The following DET1 variants were observed in gnomAD, a reference collection of about 807,000 sequenced individuals.
The protein encoded by DET1 is DET1 homolog.
A neutral mutation model predicts 43.7 loss-of-function variants in DET1; 22 were observed. That is an observed-to-expected ratio of 0.50 (90% CI 0.36 to 0.72). DET1 has a LOEUF of 0.72. Among genes scored for constraint, DET1 ranks in the 30% least tolerant of loss-of-function variants. The pLI, the probability that DET1 is intolerant of heterozygous loss-of-function variation, is 0.00. For missense variants in DET1, 713 were observed against 713.3 expected (o/e 1.00, Z 0.00); for synonymous variants, 315 against 266.2 (o/e 1.18, Z -1.79).
intron 2 of DET1, among the ~76,000 whole-genome samples, chr15:88,529,758 G>A (rs577168449): frequency 1.3e-5 from 2 of 152,296 alleles, no homozygotes; most frequent in East Asian, 1.9e-4. Context: ...AGGAGAATGG[G>A]GAGACATAGG....
chr15:88,534,729 A>C (rs2056904023), intron 1 of DET1, among the ~76,000 whole-genome samples: 2 of 152,222 alleles, frequency 1.3e-5, no homozygotes, highest in South Asian at 2.1e-4. Flanking sequence ...TAGCACTGCA[A>C]AGACTTTCTG....
At chr15:88,523,587 G>A (rs981884494) in intron 3 of DET1, among the ~76,000 whole-genome samples, 6 of 152,144 alleles carry the variant, frequency 3.9e-5, no homozygotes, top group African/African-American at 1.2e-4. Context: ...TTGCAGGCGC[G>A]CACCGCCACG....
intron 3 of DET1, among the ~76,000 whole-genome samples, chr15:88,522,512 G>GT (rs55764530): frequency 0.054 from 4,310 of 80,380 alleles, 558 homozygotes; most frequent in African/African-American, 0.059. Context: ...AATGTTCCTG[G>GT]TTTTTTTTTT....
At chr15:88,525,601 A>G (rs1197053674) in intron 3 of DET1, among the ~76,000 whole-genome samples, 2 of 152,150 alleles carry the variant, frequency 1.3e-5, no homozygotes, top group African/African-American at 2.4e-5. Context: ...CCCTGCCCTC[A>G]TGGAGCTTAT....
downstream of DET1, among the ~76,000 whole-genome samples, chr15:88,510,491 G>A (rs913696307): frequency 1.4e-4 from 21 of 152,210 alleles, no homozygotes; most frequent in East Asian, 5.8e-4. Context: ...TCAGCCCCAC[G>A]AACATGTAAC....
chr15:88,517,021 G>C (rs751133030), intron 3 of DET1, 48 bp from the exon 4 acceptor site: 2 of 1,395,978 alleles, frequency 1.4e-6, no homozygotes, highest in Admixed American at 5.9e-5. Context: ...AGTACACAAA[G>C]CTGTCTTGAA....
intron 3 of DET1, among the ~76,000 whole-genome samples, chr15:88,519,729 C>A (rs2056439470): frequency 6.6e-6 from 1 of 152,166 alleles, no homozygotes; most frequent in South Asian, 2.1e-4. Flanking sequence ...CTACAGCCTC[C>A]AGTTAAGCTC....
chr15:88,527,765 T>G lies in DET1; in HGVS notation c.1105A>C (p.Asn369His). 1 of 1,603,690 alleles carries G rather than the reference T, an allele frequency of 6.2e-7. No individual in the cohort carries two copies. Among genetic ancestry groups the G allele is most frequent in the Non-Finnish European group, 8.5e-7 (1 of 1,174,322 alleles). The part of the protein sequence containing the change: ...PSQASFFVVY[N>H]MVTTEVIAVF... ...GCAATCACCTCTGTCGTCACCATATTGTACACCACAAAGAAAGATGCCTGC... is the reference window on the plus strand; with the variant it reads ...GCAATCACCTCTGTCGTCACCATATGGTACACCACAAAGAAAGATGCCTGC... The change falls in exon 3 of 5, where the codon AAT becomes CAT. Residue 369 changes from asparagine to histidine, a missense_variant. Coordinates refer to ENST00000268148, the MANE Select transcript of DET1 (RefSeq NM_001144074.3).
At chr15:88,536,171 C>T in intron 1 of DET1, 1 of 614,688 alleles carries the variant, frequency 1.6e-6, no homozygotes, top group Non-Finnish European at 2.9e-6. Context: ...AGATCTGCCT[C>T]TGTTTCATCA....
At chr15:88,545,531 C>T (rs2057229458) in intron 1 of DET1, among the ~76,000 whole-genome samples, 1 of 152,232 alleles carries the variant, frequency 6.6e-6, no homozygotes, top group Non-Finnish European at 1.5e-5. Context: ...TGGCTAACTA[C>T]TTTAATCACT....
chr15:88,507,800 T>A (rs2056157424), downstream of DET1, among the ~76,000 whole-genome samples: 1 of 152,188 alleles, frequency 6.6e-6, no homozygotes, highest in Non-Finnish European at 1.5e-5. Flanking sequence ...ACTTGGCTCA[T>A]AGATGACATG....
intron 1 of DET1, among the ~76,000 whole-genome samples, chr15:88,534,534 G>A (rs1250173041): frequency 6.6e-6 from 1 of 152,160 alleles, no homozygotes; most frequent in Non-Finnish European, 1.5e-5. Flanking sequence ...GGAACCAGAA[G>A]GTACTGGGGA....
chr15:88,542,141 A>G (rs1388520759), intron 1 of DET1, among the ~76,000 whole-genome samples: 1 of 152,198 alleles, frequency 6.6e-6, no homozygotes, highest in Non-Finnish European at 1.5e-5. Context: ...ACCTAGGATG[A>G]CAGCCAACAG....
chr15:88,516,528 CT>C lies in DET1; in HGVS notation c.1463+253del, dbSNP rs1041738074. 6.6e-6 allele frequency among the ~76,000 whole-genome samples: 1 copy of C among 152,214 alleles called. No homozygotes were observed. The highest frequency in any genetic ancestry group is 2.4e-5 in the African/African-American group (1 of 41,448). On this transcript the variant is annotated intron_variant, in intron 4 of 4. Transcript: ENST00000268148. This position sits in a 1 kb window ranked among gnomAD's most constrained non-coding sequence, Gnocchi z 4.4. ...AAATGGGAAAGTACAGCTTCCTCCC[CT>C]GGATACCTTTAAAAGAGGACAACAC...
chr15:88,546,512 G>C (rs1246807905), intron 1 of DET1, 28 bp downstream of exon 1: 1 of 152,456 alleles, frequency 6.6e-6, no homozygotes, highest in Non-Finnish European at 1.5e-5. Context: ...CGGGCTTGGA[G>C]GCTGGGCCAA....
intron 1 of DET1, among the ~76,000 whole-genome samples, chr15:88,535,440 A>AG (rs1251833332): frequency 6.7e-6 from 1 of 150,344 alleles, no homozygotes; most frequent in Non-Finnish European, 1.5e-5. Flanking sequence ...AATGCTAAGA[A>AG]AAAAAAAAAA....
rs2056150848 is a variant in DET1, at chr15:88,507,202, T to C, written c.*2066-3215A>G. On this transcript the variant is annotated intron_variant and NMD_transcript_variant, in intron 7 of 8. Transcript: ENST00000557842. ...TTCCCATGGCTTTAAATTCTAGCTA[T>C]ATGCTAATGTCTTTTAACATTATAA... is the stretch of plus-strand genomic sequence containing the variant. Among the ~76,000 whole-genome samples the C allele has an allele frequency of 2.6e-5, 4 of 152,220 alleles. No individual in the cohort carries two copies. The South Asian group carries it at 8.3e-4, about 31-fold the overall frequency.
At chr15:88,515,356 A>G (rs927216413) in intron 4 of DET1, among the ~76,000 whole-genome samples, 2 of 152,034 alleles carry the variant, frequency 1.3e-5, no homozygotes, top group Non-Finnish European at 2.9e-5. Flanking sequence ...CCTGGCCAAC[A>G]TGGTGAAACC....
chr15:88,505,382 T>A lies in DET1; in HGVS notation c.*2066-1395A>T, dbSNP rs563230349. 10 of 152,330 alleles carry A rather than the reference T, an allele frequency of 6.6e-5. No individual in the cohort carries two copies. The East Asian group carries it at 1.7e-3, about 26-fold the overall frequency. The allele number at this position is 152,330 out of a possible 1,614,324, so 9.4% of individuals were successfully genotyped here. ...TCTTTCTTAGTTCCAAAAAAACACC[T>A]CCTGCTTTGTAAAAAATCATGTTCA... On this transcript the variant is annotated intron_variant and NMD_transcript_variant, in intron 7 of 8. Coordinates refer to the DET1 transcript ENST00000557842.
Sources: allele counts gnomAD v4.1 joint callset (sites outside exome capture counted in the v4.1 genomes callset), GRCh38; gene constraint gnomAD v4.1.1; non-coding constraint Gnocchi (gnomAD v3.1); transcripts MANE v1.5; gene names NCBI Gene and HGNC (gene_info 2026-07-23, HGNC 2026-07-21).